The following CFAP410 variants were observed in gnomAD, a reference collection of about 807,000 sequenced individuals.
CFAP410 encodes cilia and flagella associated protein 410.
Under a neutral mutation model 25.7 loss-of-function variants are expected in CFAP410, and 27 were observed. The observed-to-expected ratio is 1.05, with a 90% CI of 0.77 to 1.45. CFAP410 has a LOEUF of 1.45. Among genes scored for constraint, CFAP410 ranks in the 40% most tolerant of loss-of-function variants. CFAP410 has a pLI of 0.00. For missense variants in CFAP410, 428 were observed against 354.1 expected, an observed-to-expected ratio of 1.21 and a Z score of -1.67; for synonymous variants, 178 against 158.4, an observed-to-expected ratio of 1.12 and a Z score of -0.93.
rs749261239 is a variant in CFAP410 at position 44,333,113 on chromosome 21, G to A, written c.293C>T (p.Pro98Leu). 9.3e-6 allele frequency: 15 copies of A among 1,610,812 alleles called. No individual in the cohort carries two copies. The highest frequency in any genetic ancestry group is 3.3e-4 in the Middle Eastern group (2 of 6,054). The change falls in exon 4 of 7, where the codon CCG (proline) becomes CTG (leucine). Residue 98 changes from proline to leucine, a missense_variant. Pro to Leu is a moderately conservative substitution (Grantham distance 98, BLOSUM62 -3). Coordinates refer to ENST00000339818, the MANE Select transcript of CFAP410 (RefSeq NM_004928.3). ...RLRVLWLAEN[P>L]CCGTSPHRYR... ...GCGGTGGGGGCTGGTGCCGCAGCAC[G>A]GGTTCTCGGCCAGCCACAGCACCCG...
At chr21:44,335,663 A>C in intron 3 of CFAP410, 95 bp downstream of exon 3, 1 of 967,350 alleles carries the variant, frequency 1.0e-6, no homozygotes, top group Non-Finnish European at 1.6e-6. Flanking sequence ...GGAGGTTTCC[A>C]GGTTATGTCA....
rs2047686703 is a variant in CFAP410, at chr21:44,333,238, C to T, written c.168G>A (p.Glu56=). 1 of 1,612,220 alleles carries T rather than the reference C, an allele frequency of 6.2e-7. No homozygotes were observed. The highest frequency in any genetic ancestry group is 1.3e-5 in the African/African-American group (1 of 74,924). ...TLSVNSISTL[E]PVSRCQRLSE... is the part of the protein sequence containing the mutation. ...TCAGGCGCTGGCACCGGCTCACAGG[C>T]TCCAGGGTGGAGATGCTGTTGACAC... The change falls in exon 4 of 7, where the codon GAG becomes GAA. Residue 56 remains glutamate (E), a synonymous_variant. Transcript: ENST00000339818.
chr21:44,333,781 A>G (rs1359276175), intron 3 of CFAP410: 3 of 326,462 alleles, frequency 9.2e-6, no homozygotes, highest in Non-Finnish European at 1.8e-5. Context: ...GAAGAGAAAC[A>G]GCAGGCCTGG....
At chr21:44,332,862 A>C (rs929216092) in intron 4 of CFAP410, 171 bp downstream of exon 4, 6 of 611,806 alleles carry the variant, frequency 9.8e-6, no homozygotes, top group Non-Finnish European at 1.8e-5. Context: ...TGGCGGGATC[A>C]AGAGGAGACA....
intron 3 of CFAP410, chr21:44,333,893 G>A (rs2047699231): frequency 8.4e-6 from 3 of 356,878 alleles, no homozygotes; most frequent in Admixed American, 3.8e-5. Flanking sequence ...CGGAGCCAGG[G>A]CCCCCTGCCT....
At chr21:44,335,736 C>A in intron 3 of CFAP410, 22 bp downstream of exon 3, 2 of 1,576,296 alleles carry the variant, frequency 1.3e-6, no homozygotes, top group Non-Finnish European at 8.6e-7. Flanking sequence ...CCAGGCTGAG[C>A]ATGACAGCAG....
At chr21:44,338,385 C>A in intron 1 of CFAP410, 1 of 1,111,708 alleles carries the variant, frequency 9.0e-7, no homozygotes, top group Non-Finnish European at 1.2e-6. Flanking sequence ...CTCCAGGCTC[C>A]CTCTTCTGGA....
rs190790356 is a variant in CFAP410 at position 44,329,042 on chromosome 21, A to T, written c.*1156T>A. On this transcript the variant is annotated 3_prime_UTR_variant, in exon 7 of 7. Transcript: ENST00000339818. ...TCCACCCTCTATGTCCCGAGTGGTG[A>T]CTCCACTCCCCACTGCTCAGAGATC... The T allele has an allele frequency of 6.6e-6, 1 of 152,310 alleles. No homozygotes were observed. Among genetic ancestry groups the T allele is most frequent in the African/African-American group, 2.4e-5 (1 of 41,440 alleles). 9.4% of individuals were successfully genotyped at this position (152,310 alleles called of 1,614,324 possible).
intron 3 of CFAP410, 151 bp from the exon 4 acceptor site, chr21:44,333,413 C>G: frequency 1.5e-6 from 1 of 654,360 alleles, no homozygotes; most frequent in South Asian, 1.8e-5. Context: ...TCACGTGCAG[C>G]AGGACCTGGG....
intron 2 of CFAP410, 46 bp from the exon 3 acceptor site, chr21:44,335,850 T>TTGCTTGAAC (rs751412265): frequency 3.4e-6 from 5 of 1,451,206 alleles, no homozygotes; most frequent in Non-Finnish European, 9.5e-7. Context: ...CAGCAGGGCA[T>TTGCTTGAAC]CGCGGCCGCA....
chr21:44,334,472 C>CG (rs2047710762), intron 3 of CFAP410: 8 of 105,610 alleles, frequency 7.6e-5, no homozygotes, highest in South Asian at 6.2e-4. Flanking sequence ...ACGAGCCCCG[C>CG]GGCAGGCACG....
intron 6 of CFAP410, 39 bp downstream of exon 6, chr21:44,330,784 G>A: frequency 6.4e-7 from 1 of 1,557,612 alleles, no homozygotes; most frequent in Non-Finnish European, 8.7e-7. Flanking sequence ...GGGTGCAGTG[G>A]GCAGAGGCAG....
chr21:44,338,802 C>CCCCCG (rs1220654817), intron 1 of CFAP410: 3 of 120,654 alleles, frequency 2.5e-5, no homozygotes, highest in Non-Finnish European at 3.5e-5. Flanking sequence ...TCCGGCTCCG[C>CCCCCG]CCTCGTCCCG....
chr21:44,335,844 A>C (rs2047741679), intron 2 of CFAP410, 40 bp from the exon 3 acceptor site: 1 of 1,514,338 alleles, frequency 6.6e-7, no homozygotes, highest in East Asian at 2.4e-5. Flanking sequence ...ATGGCACAGC[A>C]GGGCATCGCG....
At chr21:44,332,173 G>A in intron 4 of CFAP410, 159 bp from the exon 5 acceptor site, 1 of 584,632 alleles carries the variant, frequency 1.7e-6, no homozygotes, top group Admixed American at 3.7e-5. Context: ...GTAGCAGCCG[G>A]TTCCTCACTG....
chr21:44,337,579 C>G, intron 2 of CFAP410, 70 bp downstream of exon 2: 1 of 1,394,600 alleles, frequency 7.2e-7, no homozygotes, highest in Admixed American at 2.0e-5. Flanking sequence ...GGGAAAGAAG[C>G]TACAACATTT....
chr21:44,331,619 C>T, intron 5 of CFAP410: 2 of 547,826 alleles, frequency 3.7e-6, no homozygotes, highest in Non-Finnish European at 6.3e-6. Context: ...CTCCTGCTCC[C>T]TGGCACATCC....
In CFAP410 at chr21:44,339,349, AGCCCGCTGG is replaced by A. The variant is rs1404229583; in HGVS notation, c.-164_-156del. On this transcript the variant is annotated 5_prime_UTR_variant, in exon 1 of 7. Coordinates refer to ENST00000339818, the MANE Select transcript of CFAP410 (RefSeq NM_004928.3). ...TCGGTGAGGAGAGCGGGGCGACGCG[AGCCCGCTGG>A]GGCCGCTTGGGCGCCGCTGACACGT... 2.3e-6 allele frequency: 1 copy of A among 443,054 alleles called. No individual in the cohort carries two copies. The highest frequency in any genetic ancestry group is 3.9e-6 in the Non-Finnish European group (1 of 257,766). The allele number at this position is 443,054 out of a possible 1,614,324, so 27.4% of individuals were successfully genotyped here. A position where few individuals can be genotyped will look rare whatever the true frequency, so the allele number is the denominator to read the frequency against.
intron 6 of CFAP410, 94 bp from the exon 7 acceptor site, chr21:44,330,420 G>T: frequency 2.6e-6 from 4 of 1,557,390 alleles, no homozygotes; most frequent in Non-Finnish European, 3.5e-6. Context: ...GCCCCACCAC[G>T]GAGCGACTGG....
Sources: allele counts gnomAD v4.1 joint callset, GRCh38; gene constraint gnomAD v4.1.1; transcripts MANE v1.5; gene names NCBI Gene and HGNC (gene_info 2026-07-23, HGNC 2026-07-21).